IKZF2: variants seen among roughly 807,000 people sequenced by gnomAD.
The protein encoded by IKZF2 is IKAROS family zinc finger 2, also known as zinc finger protein Helios.
In IKZF2, 15 loss-of-function variants were observed where a neutral mutation model predicts 49.2. The observed-to-expected ratio is 0.30, with a 90% CI of 0.20 to 0.47. The LOEUF (loss-of-function observed/expected upper bound fraction) is 0.47, where lower values mean the gene tolerates loss of function less well. Ranked by LOEUF, IKZF2 falls within the 20% of genes least tolerant of loss-of-function variation. The pLI, the probability that IKZF2 is intolerant of heterozygous loss-of-function variation, is 1.00. For missense variants in IKZF2, 567 were observed against 664.6 expected, an observed-to-expected ratio of 0.85 and a Z score of 1.61; for synonymous variants, 227 against 221.4, an observed-to-expected ratio of 1.03 and a Z score of -0.23.
intron 6 of IKZF2, among the ~76,000 whole-genome samples, chr2:213,029,113 G>A (rs373462200): frequency 2.0e-4 from 30 of 151,974 alleles, no homozygotes; most frequent in African/African-American, 6.3e-4. Flanking sequence ...GAAGAATACC[G>A]TTATGCAGTA....
intron 6 of IKZF2, among the ~76,000 whole-genome samples, chr2:213,032,492 G>A (rs1452471653): frequency 2.0e-5 from 3 of 152,196 alleles, no homozygotes; most frequent in African/African-American, 7.2e-5. Flanking sequence ...CAAGCACTTT[G>A]GGAAGTGGAG....
chr2:213,106,251 G>C (rs2059522240), intron 4 of IKZF2, among the ~76,000 whole-genome samples: 2 of 151,522 alleles, frequency 1.3e-5, no homozygotes, highest in Admixed American at 1.3e-4. Context: ...TGGTTGAAAA[G>C]AAAATTATGG....
Position 213,000,269 on chromosome 2 carries a change from T to TATAG in IKZF2, c.*7090_*7091insCTAT, listed in dbSNP as rs1694774497. On this transcript the variant is annotated 3_prime_UTR_variant, in exon 9 of 9. Transcript: ENST00000434687. ...ATATATATTTATATATATATATATA[T>TATAG]ATTTCTTTTTTAAACAATAGTTTTT... is the stretch of plus-strand genomic sequence containing the variant. 1 of 147,208 alleles carries TATAG rather than the reference T, an allele frequency of 6.8e-6. No homozygotes were observed. The highest frequency in any genetic ancestry group is 6.8e-5 in the Admixed American group (1 of 14,672). The allele number at this position is 147,208 out of a possible 1,614,324, so 9.1% of individuals were successfully genotyped here.
At chr2:213,027,748 A>G (rs1281766908) in intron 6 of IKZF2, among the ~76,000 whole-genome samples, 1 of 151,980 alleles carries the variant, frequency 6.6e-6, no homozygotes, top group Non-Finnish European at 1.5e-5. Flanking sequence ...TAACCTCCAA[A>G]GTTTCTTTTT....
rs181843245 is a variant in IKZF2, at chr2:212,999,786, T to A, written c.*7574A>T. ...ACTTACACTTCTGAGAAGAAATAAA[T>A]CTTGGACAAATTATATGCTTGTTCC... is the stretch of plus-strand genomic sequence containing the variant. On this transcript the variant is annotated 3_prime_UTR_variant, in exon 9 of 9. Transcript: ENST00000434687. The A allele has an allele frequency of 2.6e-5, 4 of 152,496 alleles. No individual in the cohort carries two copies. In the East Asian group the frequency reaches 7.7e-4, roughly 29 times the overall value. The allele number at this position is 152,496 out of a possible 1,614,324, so 9.4% of individuals were successfully genotyped here.
At chr2:213,115,198 C>T (rs1311565498) in intron 4 of IKZF2, among the ~76,000 whole-genome samples, 1 of 152,148 alleles carries the variant, frequency 6.6e-6, no homozygotes, top group African/African-American at 2.4e-5. Flanking sequence ...GATACGTTTA[C>T]TGAAGTTTTA....
chr2:213,035,392 G>A (rs1056558152), intron 6 of IKZF2, among the ~76,000 whole-genome samples: 3 of 152,066 alleles, frequency 2.0e-5, no homozygotes, highest in Non-Finnish European at 2.9e-5. Flanking sequence ...GCTTACATTC[G>A]AGTGAGGTGG....
rs569106134 is a variant in IKZF2 at position 213,045,072 on chromosome 2, A to G, written c.574+4641T>C. 2.0e-5 allele frequency among the ~76,000 whole-genome samples: 3 copies of G among 152,330 alleles called. No homozygotes were observed. The South Asian group carries it at 6.2e-4, about 32-fold the overall frequency. The stretch of plus-strand genomic sequence containing the variant: ...TAGTAACCACATGAGGCTAGTGGCT[A>G]CCATATTGGACAGCGTAGCCCTACA... On this transcript the variant is annotated intron_variant, in intron 6 of 8. Coordinates refer to ENST00000434687, the MANE Select transcript of IKZF2 (RefSeq NM_001387220.1).
At chr2:213,141,985 A>C (rs1465192752) in intron 4 of IKZF2, among the ~76,000 whole-genome samples, 1 of 152,010 alleles carries the variant, frequency 6.6e-6, no homozygotes, top group African/African-American at 2.4e-5. Context: ...TTAAACCAAC[A>C]ATTTTATTAG....
intron 6 of IKZF2, among the ~76,000 whole-genome samples, chr2:213,044,556 G>A (rs1699973407): frequency 6.6e-6 from 1 of 152,202 alleles, no homozygotes; most frequent in South Asian, 2.1e-4. Flanking sequence ...GTGGTAGCAT[G>A]GAAGGATGTA....
intron 4 of IKZF2, among the ~76,000 whole-genome samples, chr2:213,143,394 G>A (rs969168874): frequency 3.8e-4 from 58 of 151,764 alleles, no homozygotes; most frequent in African/African-American, 1.3e-3. Flanking sequence ...AGTTGGGAGC[G>A]GAATGAGGTG....
chr2:213,128,487 G>T (rs547767961), intron 4 of IKZF2, among the ~76,000 whole-genome samples: 6 of 152,256 alleles, frequency 3.9e-5, no homozygotes, highest in Admixed American at 3.3e-4. Context: ...AGGGTGCACA[G>T]CCAGGACTCC....
At chr2:213,096,470 T>C (rs971371517) in intron 4 of IKZF2, among the ~76,000 whole-genome samples, 5 of 152,082 alleles carry the variant, frequency 3.3e-5, no homozygotes, top group African/African-American at 9.6e-5. Context: ...ACAGATAATG[T>C]ATGGATGTAT....
At position 213,050,785 on chromosome 2, in the gene IKZF2, G is replaced by A. The variant is rs182965880; in HGVS notation, c.407-905C>T. Among the ~76,000 whole-genome samples the A allele has an allele frequency of 1.7e-3, 260 of 152,108 alleles. 3 individuals are homozygous for A. The highest frequency in any genetic ancestry group is 3.7e-3 in the Admixed American group (56 of 15,274). ...AATATAAAAACATGTACGCAATGAA[G>A]CAGTACAACTGGCAAGTAGGATCAA... On this transcript the variant is annotated intron_variant, in intron 5 of 8. Transcript: ENST00000434687.
chr2:213,077,165 C>T (rs1442369974), intron 4 of IKZF2, among the ~76,000 whole-genome samples: 2 of 152,194 alleles, frequency 1.3e-5, no homozygotes, highest in African/African-American at 4.8e-5. Flanking sequence ...CTTAATTCTA[C>T]ATTTACAGAA....
chr2:213,085,859 A>G (rs1704521847), intron 4 of IKZF2, among the ~76,000 whole-genome samples: 1 of 152,200 alleles, frequency 6.6e-6, no homozygotes, highest in South Asian at 2.1e-4. Context: ...AGCCTTGTTA[A>G]TGATAGGTGT....
At chr2:213,013,723 T>C in intron 8 of IKZF2, 68 bp downstream of exon 8, 2 of 1,374,648 alleles carry the variant, frequency 1.5e-6, no homozygotes, top group Non-Finnish European at 2.0e-6. Flanking sequence ...ATATTTCTAA[T>C]ACATGGGAAC....
At chr2:213,126,189 C>T (rs892176045) in intron 4 of IKZF2, among the ~76,000 whole-genome samples, 3 of 152,216 alleles carry the variant, frequency 2.0e-5, no homozygotes, top group African/African-American at 7.2e-5. Flanking sequence ...CACACCCCAT[C>T]ATCCCTAGCA....
intron 4 of IKZF2, among the ~76,000 whole-genome samples, chr2:213,095,012 A>G (rs1298047924): frequency 6.6e-6 from 1 of 152,180 alleles, no homozygotes; most frequent in Non-Finnish European, 1.5e-5. Context: ...GAGTTTTTAA[A>G]TTATTGACTT....
Sources: allele counts gnomAD v4.1 joint callset (sites outside exome capture counted in the v4.1 genomes callset), GRCh38; gene constraint gnomAD v4.1.1; transcripts MANE v1.5; gene names NCBI Gene and HGNC (gene_info 2026-07-23, HGNC 2026-07-21).